UBE2G2: variants seen among roughly 807,000 people sequenced by gnomAD.
UBE2G2 encodes the protein ubiquitin-conjugating enzyme E2 G2.
In UBE2G2, 10 loss-of-function variants were observed where a neutral mutation model predicts 23.0. The observed-to-expected ratio is 0.43, with a 90% confidence interval of 0.27 to 0.74. The LOEUF is 0.74. Among genes scored for constraint, UBE2G2 ranks in the 30% least tolerant of loss-of-function variants. The pLI is 0.19. For synonymous variants in UBE2G2, 86 were observed against 81.3 expected (o/e 1.06, Z -0.31); for missense variants, 150 against 218.3 (o/e 0.69, Z 1.97).
At chr21:44,797,572 G>A (rs1207138922) in intron 1 of UBE2G2, among the ~76,000 whole-genome samples, 2 of 151,972 alleles carry the variant, frequency 1.3e-5, no homozygotes, top group Non-Finnish European at 2.9e-5. Context: ...AAAATTAGCC[G>A]GGCATGGTGG....
intron 4 of UBE2G2, 197 bp downstream of exon 4, chr21:44,777,102 C>CTATA (rs1177253986): frequency 1.9e-6 from 1 of 514,040 alleles, no homozygotes; most frequent in Non-Finnish European, 3.4e-6. Context: ...TGTCTTTTAT[C>CTATA]TATATTAAAC....
In UBE2G2 at chr21:44,790,600, C is replaced by T. The variant is rs117783967; in HGVS notation, c.44-2505G>A. On this transcript the variant is annotated intron_variant, in intron 1 of 5. Transcript: ENST00000345496. ...GAGATCTGGTGGTTTTATAAGTGTTCGAAAGTTCCTCCTTCACTCTTCTTT... is the reference window on the plus strand; with the variant it reads ...GAGATCTGGTGGTTTTATAAGTGTTTGAAAGTTCCTCCTTCACTCTTCTTT... Among the ~76,000 whole-genome samples the T allele has an allele frequency of 3.0e-3, 452 of 152,262 alleles. 2 individuals carry two copies. The highest frequency in any genetic ancestry group is 5.4e-3 in the Non-Finnish European group (366 of 68,030).
intron 3 of UBE2G2, among the ~76,000 whole-genome samples, chr21:44,780,962 G>A (rs946072287): frequency 3.9e-5 from 6 of 152,244 alleles, no homozygotes; most frequent in African/African-American, 1.4e-4. Context: ...TGGGTGCCCT[G>A]AGCTTCGCCG....
intron 1 of UBE2G2, among the ~76,000 whole-genome samples, chr21:44,794,584 G>A (rs1555963388): frequency 6.7e-6 from 1 of 150,322 alleles, no homozygotes; most frequent in African/African-American, 2.5e-5. Flanking sequence ...ACCCAGGCTG[G>A]AGTGCAGTGG....
intron 1 of UBE2G2, chr21:44,801,092 G>C (rs1316513616): frequency 1.3e-5 from 2 of 154,752 alleles, no homozygotes; most frequent in Non-Finnish European, 2.8e-5. Flanking sequence ...GCGGGCATTC[G>C]GTGTAAAACG....
Position 44,771,262 on chromosome 21 carries a change from G to C in UBE2G2, c.*115C>G. 1 of 892,010 alleles carries C rather than the reference G, an allele frequency of 1.1e-6. No homozygotes were observed. Among genetic ancestry groups the C allele is most frequent in the Non-Finnish European group, 1.7e-6 (1 of 583,218 alleles). 55.3% of individuals were successfully genotyped at this position (892,010 alleles called of 1,614,324 possible). ...TTTGAAAAAAAAAAAAGATGCCATG[G>C]TTCTTGCAAGTCTGCCTTGTTTGGT... On this transcript the variant is annotated 3_prime_UTR_variant, in exon 6 of 6. Transcript: ENST00000345496. This position sits in a 1 kb window ranked among gnomAD's most constrained non-coding sequence, Gnocchi z 4.6.
At chr21:44,784,201 G>A (rs1352558523) in intron 3 of UBE2G2, among the ~76,000 whole-genome samples, 2 of 152,002 alleles carry the variant, frequency 1.3e-5, no homozygotes, top group African/African-American at 2.4e-5. Flanking sequence ...AAGGAGGGGA[G>A]AAAGGAAGAG....
intron 3 of UBE2G2, among the ~76,000 whole-genome samples, chr21:44,779,689 G>A (rs2082942111): frequency 6.6e-6 from 1 of 152,222 alleles, no homozygotes; most frequent in South Asian, 2.1e-4. Context: ...CTCCTGTCCA[G>A]TACAAGAGCT....
chr21:44,777,779 G>C (rs527509299), intron 3 of UBE2G2, among the ~76,000 whole-genome samples: 4 of 152,158 alleles, frequency 2.6e-5, no homozygotes, highest in Admixed American at 2.6e-4. Flanking sequence ...CCGCACTCAA[G>C]CCTGGGCGAC....
At chr21:44,773,842 C>T (rs782335228) in intron 4 of UBE2G2, 155 bp from the exon 5 acceptor site, 15 of 1,022,988 alleles carry the variant, frequency 1.5e-5, no homozygotes, top group South Asian at 9.0e-5. Context: ...CTGAGTGTCA[C>T]GCTTCATGTC....
intron 1 of UBE2G2, chr21:44,800,111 A>C (rs2083123173): frequency 6.6e-6 from 1 of 152,366 alleles, no homozygotes; most frequent in South Asian, 2.1e-4. Context: ...AATAGATTAA[A>C]ATGTAAGAGA....
chr21:44,783,508 G>A (rs782307485), intron 3 of UBE2G2, among the ~76,000 whole-genome samples: 1 of 152,236 alleles, frequency 6.6e-6, no homozygotes, highest in African/African-American at 2.4e-5. Context: ...AAAGTAGGAA[G>A]CCCAAATGTC....
chr21:44,799,556 T>A (rs1555964403), intron 1 of UBE2G2, among the ~76,000 whole-genome samples: 1 of 152,246 alleles, frequency 6.6e-6, no homozygotes, highest in Non-Finnish European at 1.5e-5. Context: ...TTCTGCAGCT[T>A]CCTCACTGCT....
At chr21:44,790,748 C>T (rs1264803347) in intron 1 of UBE2G2, among the ~76,000 whole-genome samples, 1 of 152,184 alleles carries the variant, frequency 6.6e-6, no homozygotes, top group Non-Finnish European at 1.5e-5. Flanking sequence ...ATAAATTATC[C>T]AGTCTCAGGG....
chr21:44,774,318 A>G (rs2082897249), intron 4 of UBE2G2: 2 of 156,768 alleles, frequency 1.3e-5, no homozygotes, highest in Admixed American at 1.3e-4. Flanking sequence ...TCTGATAAAG[A>G]GAAATAAATT....
chr21:44,776,128 G>C (rs1323803125), intron 4 of UBE2G2, among the ~76,000 whole-genome samples: 1 of 152,068 alleles, frequency 6.6e-6, no homozygotes, highest in Non-Finnish European at 1.5e-5. Flanking sequence ...GGGGGTGGGG[G>C]GGTAGTCCTG....
Position 44,772,819 on chromosome 21 carries a change from G to C in UBE2G2, c.385+728C>G, listed in dbSNP as rs192510237. Among the ~76,000 whole-genome samples, 9 of 152,172 alleles carry C rather than the reference G, an allele frequency of 5.9e-5. No individual in the cohort carries two copies. Among genetic ancestry groups the C allele is most frequent in the Admixed American group, 3.3e-4 (5 of 15,304 alleles). ...TCTCTCCAGGCTACTGCAACACCAC[G>C]ATGTCTCTGTTTGTCTTCCATCACA... On this transcript the variant is annotated intron_variant, in intron 5 of 5. Transcript: ENST00000345496. The surrounding 1 kb of genome is among the most constrained non-coding windows in gnomAD (Gnocchi z 5.4).
At chr21:44,799,654 T>C (rs1479669035) in intron 1 of UBE2G2, among the ~76,000 whole-genome samples, 1 of 152,260 alleles carries the variant, frequency 6.6e-6, no homozygotes, top group Admixed American at 6.5e-5. Context: ...TGATCTTCTA[T>C]CCAAACCACT....
At chr21:44,781,978 T>C (rs959212578) in intron 3 of UBE2G2, among the ~76,000 whole-genome samples, 5 of 152,236 alleles carry the variant, frequency 3.3e-5, no homozygotes, top group African/African-American at 1.2e-4. Context: ...ATTTGAACTA[T>C]AAAGTGTACT....
Sources: allele counts gnomAD v4.1 joint callset (sites outside exome capture counted in the v4.1 genomes callset), GRCh38; gene constraint gnomAD v4.1.1; non-coding constraint Gnocchi (gnomAD v3.1); transcripts MANE v1.5; gene names NCBI Gene and HGNC (gene_info 2026-07-23, HGNC 2026-07-21).